Variants in ZNF445 observed in about 807,000 individuals in gnomAD.
The protein encoded by ZNF445 is zinc finger protein 445.
ZNF445 carries 19 observed loss-of-function variants against 93.9 expected under a neutral mutation model. That is an observed-to-expected ratio of 0.20 (90% CI 0.14 to 0.30). ZNF445 has a LOEUF of 0.30. Ranked by LOEUF, ZNF445 falls within the 10% of genes least tolerant of loss-of-function variation. The pLI is 1.00. For synonymous variants in ZNF445, 449 were observed against 446.3 expected, an observed-to-expected ratio of 1.01 and a Z score of -0.08; for missense variants, 1,058 against 1,259.4, an observed-to-expected ratio of 0.84 and a Z score of 2.42.
At position 44,449,588 on chromosome 3, in the gene ZNF445, A is replaced by T; in HGVS notation, c.856T>A (p.Leu286Met). 1 of 1,614,100 alleles carries T rather than the reference A, an allele frequency of 6.2e-7. No homozygotes were observed. The highest frequency in any genetic ancestry group is 8.5e-7 in the Non-Finnish European group (1 of 1,180,000). The change falls in exon 7 of 8, where the codon TTG becomes ATG. Residue 286 changes from leucine (L) to methionine (M), a missense_variant. This residue lies in a region of ZNF445 where 657 missense variants were observed against 746.4 expected (regional missense o/e 0.88). Transcript: ENST00000396077. ...AGGCCCCATGGCTCCCTTGCTTCCA[A>T]CCAGGAGATCAGAGCAGGTTTGGTG... ...PFTKPALISWLEAREPWGLNM... is the reference protein window; with the variant it reads ...PFTKPALISWMEAREPWGLNM...
intron 1 of ZNF445, among the ~76,000 whole-genome samples, chr3:44,474,802 G>A (rs1013422358): frequency 5.3e-5 from 8 of 152,208 alleles, no homozygotes; most frequent in African/African-American, 1.9e-4. Context: ...GGTAAAAGGT[G>A]TAAGAGAACT....
chr3:44,451,110 G>A, intron 4 of ZNF445, 148 bp from the exon 5 acceptor site: 1 of 992,416 alleles, frequency 1.0e-6, no homozygotes, highest in Non-Finnish European at 1.5e-6. Flanking sequence ...AGTCTACTGG[G>A]GCCAGGAAAG....
intron 1 of ZNF445, among the ~76,000 whole-genome samples, chr3:44,461,147 GCCT>G (rs1399319377): frequency 6.6e-6 from 1 of 152,150 alleles, no homozygotes; most frequent in East Asian, 1.9e-4. Flanking sequence ...CGCTGCCAAT[GCCT>G]CCTTCCTTCT....
intron 6 of ZNF445, chr3:44,450,128 G>T (rs1697936769): frequency 2.9e-6 from 1 of 349,848 alleles, no homozygotes; most frequent in Non-Finnish European, 5.4e-6. Context: ...TTGTAGAGAT[G>T]GGGTTTCACT....
Position 44,447,343 on chromosome 3 carries a change from G to A in ZNF445, c.2328C>T (p.Phe776=), listed in dbSNP as rs564187741. 6.2e-7 allele frequency: 1 copy of A among 1,614,174 alleles called. No homozygotes were observed. Among genetic ancestry groups the A allele is most frequent in the South Asian group, 1.1e-5 (1 of 91,080 alleles). Residue 776 remains phenylalanine (F), a synonymous_variant, in exon 8 of 8, where the codon TTC becomes TTT. Coordinates refer to ENST00000396077, the MANE Select transcript of ZNF445 (RefSeq NM_181489.6). This position sits in a 1 kb window ranked among gnomAD's most constrained non-coding sequence, Gnocchi z 4.7. ...QCGKAFRNHS[F]LLIHQRVHTG... ...TGTGAACTCTCTGATGGATGAGGAG[G>A]AATGAGTGATTGCGGAAGGCCTTGC...
rs1697679318 is a variant in ZNF445, at chr3:44,436,333, A to C, written c.*10242T>G. 1 of 152,190 alleles carries C rather than the reference A, an allele frequency of 6.6e-6. No individual in the cohort carries two copies. The highest frequency in any genetic ancestry group is 1.5e-5 in the Non-Finnish European group (1 of 68,050). The allele number at this position is 152,190 out of a possible 1,614,324, so 9.4% of individuals were successfully genotyped here. A position where few individuals can be genotyped will look rare whatever the true frequency, so the allele number is the denominator to read the frequency against. On this transcript the variant is annotated 3_prime_UTR_variant, in exon 8 of 8. Transcript: ENST00000396077. ...CTGCACTGTCCATGGCAGTCACCAC[A>C]CCAATTGTGTTTTTGGTGACTAAGT...
At chr3:44,473,750 C>T (rs968406166) in intron 1 of ZNF445, among the ~76,000 whole-genome samples, 5 of 142,734 alleles carry the variant, frequency 3.5e-5, no homozygotes, top group Non-Finnish European at 6.1e-5. Context: ...AAAAAAAAAT[C>T]GGGGCAAACA....
intron 6 of ZNF445, among the ~76,000 whole-genome samples, 183 bp from the exon 7 acceptor site, chr3:44,449,806 A>G (rs1188271796): frequency 1.1e-4 from 16 of 152,236 alleles, no homozygotes; most frequent in Non-Finnish European, 2.9e-5. Flanking sequence ...AGACTGATAG[A>G]AGTTGCCCAC....
intron 6 of ZNF445, 71 bp from the exon 7 acceptor site, chr3:44,449,694 C>T: frequency 7.8e-7 from 1 of 1,288,118 alleles, no homozygotes; most frequent in Non-Finnish European, 1.1e-6. Context: ...GACCTCTGGG[C>T]CTGAAGTCCT....
chr3:44,458,884 G>A (rs1288059715), intron 1 of ZNF445, among the ~76,000 whole-genome samples: 1 of 152,146 alleles, frequency 6.6e-6, no homozygotes, highest in Non-Finnish European at 1.5e-5. Context: ...ATGCTGCGGA[G>A]AGGCCAAGAA....
At chr3:44,463,797 G>C (rs1023492143) in intron 1 of ZNF445, among the ~76,000 whole-genome samples, 1 of 152,102 alleles carries the variant, frequency 6.6e-6, no homozygotes, top group African/African-American at 2.4e-5. Context: ...GGGATAATTG[G>C]GTTTGGGTTG....
rs1411631236 is a variant in ZNF445 at position 44,434,346 on chromosome 3, G to C, written c.*12229C>G. The stretch of plus-strand genomic sequence containing the variant: ...GCTTCACTTGTACCCAGGAGGTGCA[G>C]GTTGCAGTGAGCCAAGATTGCCTCC... On this transcript the variant is annotated 3_prime_UTR_variant, in exon 8 of 8. Coordinates refer to ENST00000396077, the MANE Select transcript of ZNF445 (RefSeq NM_181489.6). 1 of 151,934 alleles carries C rather than the reference G, an allele frequency of 6.6e-6. No individual in the cohort carries two copies. Among genetic ancestry groups the C allele is most frequent in the Non-Finnish European group, 1.5e-5 (1 of 68,018 alleles). 9.4% of individuals were successfully genotyped at this position (151,934 alleles called of 1,614,324 possible). A position where few individuals can be genotyped will look rare whatever the true frequency, so the allele number is the denominator to read the frequency against.
At chr3:44,451,504 G>C in intron 3 of ZNF445, 22 bp from the exon 4 acceptor site, 1 of 1,587,328 alleles carries the variant, frequency 6.3e-7, no homozygotes, top group Non-Finnish European at 8.6e-7. Flanking sequence ...AAAATGTTGT[G>C]AGAGGATCTT....
rs1697710560 is a variant in ZNF445, at chr3:44,437,601, G to A, written c.*8974C>T. On this transcript the variant is annotated 3_prime_UTR_variant, in exon 8 of 8. Transcript: ENST00000396077. ...AAGTGTCCTTGCCTTTTATTAAGAG[G>A]GGCCTCTAACTCACTCTGTCTTAGG... 6.6e-6 allele frequency: 1 copy of A among 152,048 alleles called. No individual in the cohort carries two copies. Among genetic ancestry groups the A allele is most frequent in the African/African-American group, 2.4e-5 (1 of 41,384 alleles). 9.4% of individuals were successfully genotyped at this position (152,048 alleles called of 1,614,324 possible). A position where few individuals can be genotyped will look rare whatever the true frequency, so the allele number is the denominator to read the frequency against.
In ZNF445 at chr3:44,436,123, G is replaced by C. The variant is rs1697675258; in HGVS notation, c.*10452C>G. Reference sequence around the variant, plus strand: ...TAGATCAAGACTTGGAATTGACTGAGTGATTGTAACTCTGTGTTGGTAATT... The same window carrying C: ...TAGATCAAGACTTGGAATTGACTGACTGATTGTAACTCTGTGTTGGTAATT... On this transcript the variant is annotated 3_prime_UTR_variant, in exon 8 of 8. Coordinates refer to ENST00000396077, the MANE Select transcript of ZNF445 (RefSeq NM_181489.6). The C allele has an allele frequency of 1.3e-5, 2 of 152,228 alleles. No individual in the cohort carries two copies. Among genetic ancestry groups the C allele is most frequent in the Non-Finnish European group, 2.9e-5 (2 of 68,038 alleles). The allele number at this position is 152,228 out of a possible 1,614,324, so 9.4% of individuals were successfully genotyped here. A position where few individuals can be genotyped will look rare whatever the true frequency, so the allele number is the denominator to read the frequency against.
rs1418432316 is a variant in ZNF445, at chr3:44,441,938, T to C, written c.*4637A>G. 1 of 152,224 alleles carries C rather than the reference T, an allele frequency of 6.6e-6. No homozygotes were observed. The highest frequency in any genetic ancestry group is 1.5e-5 in the Non-Finnish European group (1 of 68,046). 9.4% of individuals were successfully genotyped at this position (152,224 alleles called of 1,614,324 possible). A position where few individuals can be genotyped will look rare whatever the true frequency, so the allele number is the denominator to read the frequency against. The stretch of plus-strand genomic sequence containing the variant: ...GTGCAAAACAATAACACTTTCTATA[T>C]GTCCACAAGGCTTACATGCTAGACA... On this transcript the variant is annotated 3_prime_UTR_variant, in exon 8 of 8. Coordinates refer to ENST00000396077, the MANE Select transcript of ZNF445 (RefSeq NM_181489.6).
chr3:44,448,680 C>G lies in ZNF445; in HGVS notation c.991G>C (p.Ala331Pro). The change falls in exon 8 of 8, where the codon GCA (alanine) becomes CCA (proline). Residue 331 changes from alanine to proline, a missense_variant. By Grantham distance (27) the Ala-to-Pro change is conservative (BLOSUM62 -1). This residue lies in a region of ZNF445 where 657 missense variants were observed against 746.4 expected (regional missense o/e 0.88). Coordinates refer to ENST00000396077, the MANE Select transcript of ZNF445 (RefSeq NM_181489.6). ...CCTGATGACACAGCTAAGGTTTCTG[C>G]TTCTTCCAAAGGTTCCTGATTTAAG... is the stretch of plus-strand genomic sequence containing the variant. ...FILNQEPLEE[A>P]ETLAVSSGCP... 1 of 1,613,898 alleles carries G rather than the reference C, an allele frequency of 6.2e-7. No individual in the cohort carries two copies. The highest frequency in any genetic ancestry group is 8.5e-7 in the Non-Finnish European group (1 of 1,179,984).
At chr3:44,454,897 C>T (rs1698006399) in intron 3 of ZNF445, 1 of 585,752 alleles carries the variant, frequency 1.7e-6, no homozygotes, top group South Asian at 2.0e-5. Flanking sequence ...GACTTGCTGA[C>T]CCTATCTGGA....
intron 1 of ZNF445, among the ~76,000 whole-genome samples, chr3:44,458,880 C>A (rs577069824): frequency 6.6e-6 from 1 of 152,132 alleles, no homozygotes; most frequent in Non-Finnish European, 1.5e-5. Flanking sequence ...AGAAATGCTG[C>A]GGAGAGGCCA....
Sources: gnomAD v4.1 joint callset for allele counts (sites outside exome capture counted in the v4.1 genomes callset) on GRCh38, gnomAD v4.1.1 for gene constraint, gnomAD v4.1.1 regional missense constraint, Gnocchi (gnomAD v3.1) non-coding constraint, MANE v1.5 for transcripts, NCBI Gene and HGNC (gene_info 2026-07-23, HGNC 2026-07-21) for gene names.